KIAA0513: variants seen among roughly 807,000 people sequenced by gnomAD.
The protein encoded by KIAA0513 is uncharacterized protein KIAA0513.
Under a neutral mutation model 56.5 loss-of-function variants are expected in KIAA0513, and 39 were observed. The observed-to-expected ratio is 0.69, with a 90% confidence interval of 0.53 to 0.90. The LOEUF is 0.90. Ranked by LOEUF, KIAA0513 falls within the 40% of genes least tolerant of loss-of-function variation. KIAA0513 has a pLI of 0.00. For missense variants in KIAA0513, 591 were observed against 535.2 expected (o/e 1.10, Z -1.03); for synonymous variants, 268 against 215.6 (o/e 1.24, Z -2.13).
chr16:85,043,401 ATTTTTTTTT>A (rs761248323), intron 1 of KIAA0513, among the ~76,000 whole-genome samples: 13 of 77,910 alleles, frequency 1.7e-4, no homozygotes, highest in Admixed American at 1.0e-3. Flanking sequence ...TGCTTCTTGG[ATTTTTTTTT>A]TTTTTTTTTT....
chr16:85,080,841 A>G, intron 8 of KIAA0513, among the ~76,000 whole-genome samples: 1 of 152,182 alleles, frequency 6.6e-6, no homozygotes, highest in East Asian at 1.9e-4. Context: ...TTCCTTGAGT[A>G]TCCCTATGAA....
At chr16:85,032,832 G>A (rs568462169) in intron 1 of KIAA0513, among the ~76,000 whole-genome samples, 14 of 152,138 alleles carry the variant, frequency 9.2e-5, no homozygotes, top group African/African-American at 2.6e-4. Flanking sequence ...GGGTTTCACC[G>A]TGTTAGCCAG....
chr16:85,046,885 C>T (rs2073178573), intron 1 of KIAA0513, among the ~76,000 whole-genome samples: 3 of 152,174 alleles, frequency 2.0e-5, no homozygotes, highest in East Asian at 1.9e-4. Context: ...TTTGTAATAG[C>T]TGCTGTGGAG....
At chr16:85,060,855 A>AG (rs1212458026) in intron 1 of KIAA0513, among the ~76,000 whole-genome samples, 130 of 151,440 alleles carry the variant, frequency 8.6e-4, no homozygotes, top group African/African-American at 3.1e-3. Flanking sequence ...AAAAAAAAAA[A>AG]AAAGAAGAAA....
rs1251163404 is a variant in KIAA0513 at position 85,093,159 on chromosome 16, G to T, written c.*4834G>T. Reference sequence around the variant, plus strand: ...GGGTGTCTCTAGCCTGCAGAGTGCAGTGAGTGAGAGTCCTTGGGAGCGCGG... The same window carrying T: ...GGGTGTCTCTAGCCTGCAGAGTGCATTGAGTGAGAGTCCTTGGGAGCGCGG... On this transcript the variant is annotated 3_prime_UTR_variant, in exon 13 of 13. Transcript: ENST00000683363. The T allele has an allele frequency of 2.6e-5, 4 of 152,092 alleles. No individual in the cohort carries two copies. Among genetic ancestry groups the T allele is most frequent in the African/African-American group, 9.7e-5 (4 of 41,396 alleles). The allele number at this position is 152,092 out of a possible 1,614,324, so 9.4% of individuals were successfully genotyped here. A position where few individuals can be genotyped will look rare whatever the true frequency, so the allele number is the denominator to read the frequency against.
In KIAA0513 at chr16:85,092,848, T is replaced by C; in HGVS notation, c.*4523T>C. 6.6e-6 allele frequency: 1 copy of C among 152,460 alleles called. No homozygotes were observed. Among genetic ancestry groups the C allele is most frequent in the Non-Finnish European group, 1.5e-5 (1 of 68,172 alleles). 9.4% of individuals were successfully genotyped at this position (152,460 alleles called of 1,614,324 possible). ...ACAGGCCACGCACCCCAGGAACCCT[T>C]GCTGCCGCGGGCCAGGAACAGGAAT... On this transcript the variant is annotated 3_prime_UTR_variant, in exon 13 of 13. Coordinates refer to ENST00000683363, the MANE Select transcript of KIAA0513 (RefSeq NM_001388359.1).
chr16:85,045,804 G>A (rs942672599), intron 1 of KIAA0513, among the ~76,000 whole-genome samples: 2 of 152,214 alleles, frequency 1.3e-5, no homozygotes, highest in African/African-American at 2.4e-5. Context: ...CTGTGTGGAC[G>A]AGTGCCACCT....
intron 1 of KIAA0513, among the ~76,000 whole-genome samples, chr16:85,043,585 A>G (rs7199438): frequency 0.57 from 85,761 of 151,188 alleles, 26,901 homozygotes; most frequent in African/African-American, 0.85. Context: ...CTAATCTTTC[A>G]TATTCTTAGC....
intron 12 of KIAA0513, among the ~76,000 whole-genome samples, chr16:85,087,505 C>CT (rs1037162226): frequency 1.3e-5 from 2 of 152,242 alleles, no homozygotes; most frequent in African/African-American, 4.8e-5. Context: ...TTGCCCCCTT[C>CT]TAAATGGCTG....
chr16:85,040,471 G>A (rs1374431982), intron 1 of KIAA0513, among the ~76,000 whole-genome samples: 20 of 152,046 alleles, frequency 1.3e-4, no homozygotes, highest in African/African-American at 2.9e-4. Flanking sequence ...TGGAGGTTGC[G>A]GTGAGCTGAG....
At chr16:85,029,698 G>A (rs957577389) in intron 1 of KIAA0513, among the ~76,000 whole-genome samples, 1 of 152,204 alleles carries the variant, frequency 6.6e-6, no homozygotes, top group Non-Finnish European at 1.5e-5. Flanking sequence ...ACGAACAGCA[G>A]CCTGGGGCAG....
At chr16:85,035,969 A>G (rs1597588158) in intron 1 of KIAA0513, among the ~76,000 whole-genome samples, 1 of 136,278 alleles carries the variant, frequency 7.3e-6, no homozygotes, top group Admixed American at 8.1e-5. Flanking sequence ...ACAGAGCGAG[A>G]CTCCGTCCCA....
chr16:85,030,832 T>C (rs530600076), intron 1 of KIAA0513, among the ~76,000 whole-genome samples: 2 of 151,640 alleles, frequency 1.3e-5, no homozygotes, highest in East Asian at 1.9e-4. Context: ...CTGGGCATCA[T>C]GGGGAGGAGT....
intron 1 of KIAA0513, among the ~76,000 whole-genome samples, chr16:85,045,720 G>A (rs188660923): frequency 6.6e-6 from 1 of 152,190 alleles, no homozygotes; most frequent in African/African-American, 2.4e-5. Flanking sequence ...TGAAGAGTCA[G>A]TGGTCCTAAG....
chr16:85,037,316 T>C (rs187555080), intron 1 of KIAA0513, among the ~76,000 whole-genome samples: 26 of 151,754 alleles, frequency 1.7e-4, no homozygotes, highest in African/African-American at 6.0e-4. Context: ...AATGCCAGAG[T>C]CAGTGCGTGT....
rs1041639154 is a variant in KIAA0513 at position 85,081,974 on chromosome 16, C to T, written c.980+582C>T. Among the ~76,000 whole-genome samples the T allele has an allele frequency of 1.3e-5, 2 of 152,208 alleles. No individual in the cohort carries two copies. The highest frequency in any genetic ancestry group is 4.8e-5 in the African/African-American group (2 of 41,450). On this transcript the variant is annotated intron_variant, in intron 9 of 12. Transcript: ENST00000683363. The surrounding 1 kb of genome is among the most constrained non-coding windows in gnomAD (Gnocchi z 4.4). ...TCCACCATGTGCAGCGACATGACAG[C>T]GAGGGACGGCAGCCCCTGGGGGAGC... is the stretch of plus-strand genomic sequence containing the variant.
At chr16:85,057,910 C>A (rs2073352366) in intron 1 of KIAA0513, among the ~76,000 whole-genome samples, 2 of 152,054 alleles carry the variant, frequency 1.3e-5, no homozygotes, top group African/African-American at 4.8e-5. Context: ...TGGAGCTGCC[C>A]CCACTGCCCT....
At chr16:85,032,970 G>C (rs1281660968) in intron 1 of KIAA0513, among the ~76,000 whole-genome samples, 1 of 151,982 alleles carries the variant, frequency 6.6e-6, no homozygotes, top group Non-Finnish European at 1.5e-5. Context: ...AGATTCCCTG[G>C]GTTAGGACCT....
chr16:85,077,700 G>A (rs550003044), intron 6 of KIAA0513, 68 bp downstream of exon 6: 32 of 620,354 alleles, frequency 5.2e-5, no homozygotes, highest in Admixed American at 4.1e-4. Context: ...GAGCTCGGAC[G>A]GGGGCAGCAG....
Sources: gnomAD v4.1 joint callset for allele counts (sites outside exome capture counted in the v4.1 genomes callset) on GRCh38, gnomAD v4.1.1 for gene constraint, Gnocchi (gnomAD v3.1) non-coding constraint, MANE v1.5 for transcripts, NCBI Gene and HGNC (gene_info 2026-07-23, HGNC 2026-07-21) for gene names.